The following WDR7 variants were observed in gnomAD, a reference collection of about 807,000 sequenced individuals.
The protein encoded by WDR7 is WD repeat-containing protein 7.
WDR7 carries 46 observed loss-of-function variants against 169.4 expected under a neutral mutation model. The observed-to-expected ratio is 0.27, with a 90% confidence interval of 0.21 to 0.35. The LOEUF (loss-of-function observed/expected upper bound fraction) is 0.35, where lower values mean the gene tolerates loss of function less well. WDR7 is among the 10% of genes least tolerant of loss of function. WDR7 has a pLI of 1.00. For synonymous variants in WDR7, 612 were observed against 666.8 expected (o/e 0.92, Z 1.27); for missense variants, 1,534 against 1,859.3 (o/e 0.83, Z 3.22).
chr18:57,003,791 T>G (rs540511821), intron 26 of WDR7, among the ~76,000 whole-genome samples: 396 of 152,230 alleles, frequency 2.6e-3, no homozygotes, highest in African/African-American at 8.2e-3. Context: ...GTCTTCAGAC[T>G]AATTTGCCAA....
chr18:56,725,263 C>T (rs2026420108), intron 13 of WDR7, among the ~76,000 whole-genome samples: 2 of 150,724 alleles, frequency 1.3e-5, no homozygotes, highest in Non-Finnish European at 2.9e-5. Flanking sequence ...AGTTTACAGT[C>T]CCCCAACAGT....
At chr18:56,853,781 A>G (rs887926422) in intron 20 of WDR7, among the ~76,000 whole-genome samples, 6 of 152,156 alleles carry the variant, frequency 3.9e-5, no homozygotes, top group African/African-American at 1.4e-4. Context: ...ACCCATTTTA[A>G]GCTTAAAAAA....
chr18:56,729,848 C>G (rs2026544079), intron 13 of WDR7, among the ~76,000 whole-genome samples: 3 of 151,874 alleles, frequency 2.0e-5, no homozygotes. Flanking sequence ...AGTGTATTAC[C>G]AGTTTTCTTA....
intron 25 of WDR7, among the ~76,000 whole-genome samples, chr18:56,942,510 T>C (rs1272359596): frequency 6.6e-6 from 1 of 152,204 alleles, no homozygotes; most frequent in Non-Finnish European, 1.5e-5. Flanking sequence ...CTTTTCCAAT[T>C]ATTTCATCAG....
At chr18:56,698,261 AT>A (rs201408502) in intron 12 of WDR7, among the ~76,000 whole-genome samples, 2 of 151,898 alleles carry the variant, frequency 1.3e-5, no homozygotes, top group Non-Finnish European at 2.9e-5. Flanking sequence ...TTAATTATAC[AT>A]TTTTTTAGCT....
At chr18:56,969,470 C>G (rs972085414) in intron 26 of WDR7, among the ~76,000 whole-genome samples, 2 of 152,174 alleles carry the variant, frequency 1.3e-5, no homozygotes, top group African/African-American at 4.8e-5. Flanking sequence ...AGGAAGCATT[C>G]AGAAATATCT....
intron 26 of WDR7, among the ~76,000 whole-genome samples, chr18:56,972,338 T>C (rs1356644639): frequency 6.6e-6 from 1 of 152,198 alleles, no homozygotes; most frequent in Admixed American, 6.5e-5. Flanking sequence ...GACAGTAAGA[T>C]TGATGTTTGT....
chr18:56,718,231 CTT>C, intron 13 of WDR7, 72 bp downstream of exon 13: 3 of 1,347,010 alleles, frequency 2.2e-6, no homozygotes, highest in African/African-American at 1.5e-5. Context: ...ATGAAAATGT[CTT>C]TTATATGAAG....
chr18:57,026,920 A>G (rs3745034), intron 27 of WDR7, 84 bp from the exon 28 acceptor site: 843,242 of 1,388,118 alleles, frequency 0.61, 261,719 homozygotes, highest in Admixed American at 0.67. Flanking sequence ...AGGGGAAAGT[A>G]GCCAGGAGAG....
intron 20 of WDR7, among the ~76,000 whole-genome samples, chr18:56,839,106 A>G (rs940842397): frequency 1.3e-5 from 2 of 152,156 alleles, no homozygotes; most frequent in African/African-American, 4.8e-5. Context: ...AGTTTGATTC[A>G]GCATAAGTTT....
chr18:56,990,850 A>G (rs543035569), intron 26 of WDR7, among the ~76,000 whole-genome samples: 6 of 152,030 alleles, frequency 3.9e-5, no homozygotes, highest in Admixed American at 1.3e-4. Flanking sequence ...TGTTATTTCA[A>G]TCTCAGCTTT....
chr18:56,935,022 A>T (rs778477282), intron 22 of WDR7, among the ~76,000 whole-genome samples: 1 of 152,258 alleles, frequency 6.6e-6, no homozygotes, highest in East Asian at 1.9e-4. Context: ...TGATATTTTC[A>T]TGTAGTAGAG....
chr18:56,744,562 T>C (rs2043674052), intron 14 of WDR7, among the ~76,000 whole-genome samples: 1 of 152,102 alleles, frequency 6.6e-6, no homozygotes, highest in African/African-American at 2.4e-5. Context: ...CCGACTGTGG[T>C]TGGACAGGCA....
At chr18:56,759,788 A>G (rs1481931933) in intron 16 of WDR7, among the ~76,000 whole-genome samples, 4 of 152,164 alleles carry the variant, frequency 2.6e-5, no homozygotes, top group Admixed American at 1.3e-4. Flanking sequence ...AGAGTCAAAC[A>G]GTAGTTTTAC....
At chr18:56,744,247 A>G (rs1172118219) in intron 14 of WDR7, among the ~76,000 whole-genome samples, 2 of 24,148 alleles carry the variant, frequency 8.3e-5, no homozygotes, top group Non-Finnish European at 2.2e-4. Flanking sequence ...TCAAAAAAGA[A>G]AAAAAAAAAA....
At chr18:56,876,757 A>G (rs530501585) in intron 20 of WDR7, among the ~76,000 whole-genome samples, 126 of 152,370 alleles carry the variant, frequency 8.3e-4, no homozygotes, top group Middle Eastern at 3.4e-3. Context: ...TCTATTCAAC[A>G]CAAGAAACTA....
intron 20 of WDR7, among the ~76,000 whole-genome samples, chr18:56,850,111 T>C (rs1320753598): frequency 6.6e-6 from 1 of 152,218 alleles, no homozygotes; most frequent in East Asian, 1.9e-4. Context: ...GGCTGATGAT[T>C]GAGTCTGAGC....
At chr18:56,717,315 T>A (rs907253381) in intron 12 of WDR7, among the ~76,000 whole-genome samples, 1 of 151,994 alleles carries the variant, frequency 6.6e-6, no homozygotes, top group Non-Finnish European at 1.5e-5. Flanking sequence ...TAAAAAGGAG[T>A]TGAAGGGCAA....
chr18:56,719,565 A>AAAAAAACAACAACAACAAAAAAAAAAAC lies in WDR7; in HGVS notation c.1774+1412_1774+1413insCAACAACAACAAAAAAAAAAACAAAAAA, dbSNP rs1315176116. Among the ~76,000 whole-genome samples, 303 of 151,320 alleles carry AAAAAAACAACAACAACAAAAAAAAAAAC rather than the reference A, an allele frequency of 2.0e-3. 3 individuals carry two copies. The East Asian group carries it at 0.03, about 15-fold the overall frequency. ...AGACACAGCGAGACTCTGTCTCAAA[A>AAAAAAACAACAACAACAAAAAAAAAAAC]AAAAAAAAAAAAAACAGAATTGCTG... On this transcript the variant is annotated intron_variant, in intron 13 of 27. Coordinates refer to ENST00000254442, the MANE Select transcript of WDR7 (RefSeq NM_015285.3).
Sources: allele counts gnomAD v4.1 joint callset (sites outside exome capture counted in the v4.1 genomes callset), GRCh38; gene constraint gnomAD v4.1.1; transcripts MANE v1.5; gene names NCBI Gene and HGNC (gene_info 2026-07-23, HGNC 2026-07-21).